EDA: variants seen among roughly 807,000 people sequenced by gnomAD.
EDA encodes the protein ectodysplasin A, also known as ectodysplasin-A.
A neutral mutation model predicts 23.6 loss-of-function variants in EDA; 2 were observed. That is an observed-to-expected ratio of 0.08 (90% confidence interval 0.03 to 0.27). The LOEUF is 0.27. Ranked by LOEUF, EDA falls within the 10% of genes least tolerant of loss-of-function variation. EDA has a pLI of 1.00. For synonymous variants in EDA, 131 were observed against 132.0 expected (o/e 0.99, Z 0.05); for missense variants, 229 against 324.2 (o/e 0.71, Z 2.26).
intron 1 of EDA, among the ~76,000 whole-genome samples, chrX:69,872,897 G>C (rs1223937819): frequency 9.0e-6 from 1 of 111,313 alleles, no homozygotes; most frequent in African/African-American, 3.3e-5. Flanking sequence ...TACACAAATA[G>C]ACTTAACAGA....
intron 1 of EDA, among the ~76,000 whole-genome samples, chrX:69,629,376 A>C (rs1467869077): frequency 8.9e-6 from 1 of 111,778 alleles, no homozygotes; most frequent in Non-Finnish European, 1.9e-5. Flanking sequence ...CTCATTCAGC[A>C]CTGTGCTGTG....
At chrX:69,927,318 T>G (rs538577837) in intron 1 of EDA, among the ~76,000 whole-genome samples, 155 of 111,939 alleles carry the variant, frequency 1.4e-3, no homozygotes, top group African/African-American at 4.9e-3. Flanking sequence ...ATTTAGTGCT[T>G]CTTTCAGGAG....
At chrX:69,698,129 G>A (rs946589071) in intron 1 of EDA, among the ~76,000 whole-genome samples, 15 of 111,912 alleles carry the variant, frequency 1.3e-4, no homozygotes, top group South Asian at 3.7e-4. Flanking sequence ...TCGATGATCC[G>A]TTGCGGAGGC....
chrX:69,620,820 CTTG>C, intron 1 of EDA: 1 of 372,304 alleles, frequency 2.7e-6, no homozygotes, highest in Non-Finnish European at 5.3e-6. Context: ...TACTCAAATA[CTTG>C]TTGAGTTGAA....
At chrX:69,823,453 G>C (rs2016297003) in intron 1 of EDA, among the ~76,000 whole-genome samples, 1 of 88,956 alleles carries the variant, frequency 1.1e-5, no homozygotes, top group Admixed American at 1.3e-4. Context: ...GCCAGTGATG[G>C]TGAGCATTTT....
intron 1 of EDA, among the ~76,000 whole-genome samples, chrX:69,647,622 T>C (rs1244574664): frequency 9.0e-6 from 1 of 111,718 alleles, no homozygotes; most frequent in Admixed American, 9.6e-5. Context: ...TTCTTTGCAC[T>C]GGGTTACAAC....
chrX:69,875,960 G>A (rs1163287871), intron 1 of EDA, among the ~76,000 whole-genome samples: 1 of 111,770 alleles, frequency 8.9e-6, no homozygotes, highest in African/African-American at 3.3e-5. Context: ...CTACAAAAAT[G>A]GCCATAATCA....
chrX:69,961,555 A>G (rs901130517), intron 2 of EDA, among the ~76,000 whole-genome samples: 2 of 111,939 alleles, frequency 1.8e-5, no homozygotes, highest in African/African-American at 6.5e-5. Context: ...GGTATATACA[A>G]TCTTTCTGAC....
chrX:69,653,275 TTGTC>T lies in EDA; in HGVS notation c.396+36575_396+36578del, dbSNP rs765182103. Among the ~76,000 whole-genome samples the T allele has an allele frequency of 1.9e-3, 207 of 111,566 alleles. 1 individual carries two copies. The highest frequency in any genetic ancestry group is 1.6e-3 in the Non-Finnish European group (85 of 53,126). On this transcript the variant is annotated intron_variant, in intron 1 of 7. Coordinates refer to ENST00000374552, the MANE Select transcript of EDA (RefSeq NM_001399.5). ...GAGTTCACTCATGATTTGGCTCTGT[TTGTC>T]TGTTATTGGTATATAAGAATGCTTG...
intron 1 of EDA, among the ~76,000 whole-genome samples, chrX:69,913,705 G>T (rs2018301093): frequency 8.9e-6 from 1 of 112,210 alleles, no homozygotes; most frequent in Non-Finnish European, 1.9e-5. Flanking sequence ...GGTACAAGAG[G>T]CCTAGCTTTA....
intron 1 of EDA, among the ~76,000 whole-genome samples, chrX:69,777,144 T>TGTTG (rs2014809399): frequency 2.0e-4 from 21 of 106,837 alleles, no homozygotes; most frequent in African/African-American, 6.5e-4. Flanking sequence ...GATTCTGGGT[T>TGTTG]TTGTTGTTGT....
intron 1 of EDA, among the ~76,000 whole-genome samples, chrX:69,865,197 C>T (rs1461948017): frequency 9.1e-6 from 1 of 109,721 alleles, no homozygotes; most frequent in East Asian, 2.8e-4. Context: ...CCATCAAAGA[C>T]AAAGAAAAAA....
At position 69,616,148 on chromosome X, in the gene EDA, G is replaced by C; in HGVS notation, c.-161G>C. 1 of 511,277 alleles carries C rather than the reference G, an allele frequency of 2.0e-6. No homozygotes were observed. The highest frequency in any genetic ancestry group is 3.2e-6 in the Non-Finnish European group (1 of 316,547). The allele number at this position is 511,277 out of a possible 1,213,427, so 42.1% of individuals were successfully genotyped here. A position where few individuals can be genotyped will look rare whatever the true frequency, so the allele number is the denominator to read the frequency against. ...CCCCTCGGAGTAGAGCTGCACATGC[G>C]GCTGCTCCCTGCTCCGTCCCGCCCA... On this transcript the variant is annotated 5_prime_UTR_variant, in exon 1 of 8. Coordinates refer to ENST00000374552, the MANE Select transcript of EDA (RefSeq NM_001399.5).
rs1602623024 is a variant in EDA, at chrX:70,033,498, C to T, written c.894C>T (p.Asp298=). 1.7e-6 allele frequency: 2 copies of T among 1,211,339 alleles called. No individual in the cohort carries two copies. Among genetic ancestry groups the T allele is most frequent in the South Asian group, 1.8e-5 (1 of 56,953 alleles). ...GCGGGGAGCTGGAGGTACTGGTGGACGGCACCTACTTCATCTATAGTCAGG... is the reference window on the plus strand; with the variant it reads ...GCGGGGAGCTGGAGGTACTGGTGGATGGCACCTACTTCATCTATAGTCAGG... The part of the protein sequence containing the change: ...PRSGELEVLV[D]GTYFIYSQVE... The change falls in exon 7 of 8, where the codon GAC becomes GAT. Residue 298 remains aspartate, a synonymous_variant. Coordinates refer to ENST00000374552, the MANE Select transcript of EDA (RefSeq NM_001399.5).
chrX:69,859,722 G>C (rs912135422), intron 1 of EDA, among the ~76,000 whole-genome samples: 3 of 111,555 alleles, frequency 2.7e-5, no homozygotes, highest in African/African-American at 9.8e-5. Flanking sequence ...GGAGAGTTCT[G>C]TGGATATCTA....
chrX:69,782,673 G>C (rs1479550620), intron 1 of EDA, among the ~76,000 whole-genome samples: 2 of 111,790 alleles, frequency 1.8e-5, no homozygotes, highest in Non-Finnish European at 3.8e-5. Context: ...TACAGGCCTA[G>C]GATAGGGAGC....
At chrX:69,655,328 G>A (rs1933269942) in intron 1 of EDA, among the ~76,000 whole-genome samples, 1 of 110,211 alleles carries the variant, frequency 9.1e-6, no homozygotes, top group Admixed American at 9.6e-5. Flanking sequence ...GGGAGGCAGA[G>A]GTTGGCGGTG....
chrX:69,959,726 T>G (rs1402275265), intron 2 of EDA, among the ~76,000 whole-genome samples: 7 of 110,985 alleles, frequency 6.3e-5, no homozygotes, highest in African/African-American at 2.0e-4. Context: ...TGATAAGTGG[T>G]ATGAAGAAAA....
At chrX:69,648,259 C>T (rs1196535729) in intron 1 of EDA, among the ~76,000 whole-genome samples, 1 of 111,848 alleles carries the variant, frequency 8.9e-6, no homozygotes, top group African/African-American at 3.3e-5. Context: ...CTTGTCCAAA[C>T]CACCTGTATT....
Sources: allele counts gnomAD v4.1 joint callset (sites outside exome capture counted in the v4.1 genomes callset), GRCh38; gene constraint gnomAD v4.1.1; transcripts MANE v1.5; gene names NCBI Gene and HGNC (gene_info 2026-07-23, HGNC 2026-07-21).